EPHA7: variants seen among roughly 807,000 people sequenced by gnomAD.
The protein encoded by EPHA7 is EPH receptor A7.
A neutral mutation model predicts 112.6 loss-of-function variants in EPHA7; 25 were observed. That is an observed-to-expected ratio of 0.22 (90% CI 0.16 to 0.31). The LOEUF (loss-of-function observed/expected upper bound fraction) is 0.31. Ranked by LOEUF, EPHA7 falls within the 10% of genes least tolerant of loss-of-function variation. The pLI is 1.00. For synonymous variants in EPHA7, 437 were observed against 406.5 expected (o/e 1.07, Z -0.90); for missense variants, 962 against 1,212.6 (o/e 0.79, Z 3.07).
intron 5 of EPHA7, among the ~76,000 whole-genome samples, chr6:93,336,962 G>A (rs1196737511): frequency 6.6e-6 from 1 of 151,894 alleles, no homozygotes; most frequent in East Asian, 1.9e-4. Context: ...CCTCTATAGG[G>A]GTGGCAGTTT....
chr6:93,398,532 A>G (rs1267931078), intron 3 of EPHA7, among the ~76,000 whole-genome samples: 1 of 152,022 alleles, frequency 6.6e-6, no homozygotes, highest in East Asian at 1.9e-4. Flanking sequence ...AATTTTCTCA[A>G]AGATAAATGA....
At chr6:93,291,767 C>CAAAAAAAAAAAAAA (rs66483422) in intron 5 of EPHA7, among the ~76,000 whole-genome samples, 2 of 71,680 alleles carry the variant, frequency 2.8e-5, no homozygotes, top group Non-Finnish European at 2.5e-5. Flanking sequence ...GACTCCGTCT[C>CAAAAAAAAAAAAAA]AAAAAAAAAA....
intron 5 of EPHA7, among the ~76,000 whole-genome samples, chr6:93,297,166 C>G (rs1373194353): frequency 6.6e-6 from 1 of 151,986 alleles, no homozygotes; most frequent in Non-Finnish European, 1.5e-5. Flanking sequence ...GAGAAAGGCA[C>G]TCTATATAAT....
At chr6:93,306,681 T>G (rs1424014920) in intron 5 of EPHA7, among the ~76,000 whole-genome samples, 1 of 152,052 alleles carries the variant, frequency 6.6e-6, no homozygotes, top group Non-Finnish European at 1.5e-5. Flanking sequence ...AAATCCCATG[T>G]GCAGTTCAAA....
intron 6 of EPHA7, 115 bp downstream of exon 6, chr6:93,272,183 C>A: frequency 1.7e-6 from 2 of 1,159,858 alleles, no homozygotes; most frequent in Non-Finnish European, 2.5e-6. Context: ...AAATTAACTA[C>A]GAAGTTTGAA....
At position 93,356,726 on chromosome 6, in the gene EPHA7, C is replaced by T. The variant is rs1234366311; in HGVS notation, c.1315G>A (p.Gly439Ser). The stretch of plus-strand genomic sequence containing the variant: ...TAAACACAAAACATACCTGCTTGAC[C>T]AGTGGTGATACTGACAGCAGCAAAG... ...RLFAAVSITTGQAAPSQVSGV... is the reference protein window; with the variant it reads ...RLFAAVSITTSQAAPSQVSGV... Residue 439 changes from glycine (G) to serine (S), a missense_variant, in exon 5 of 17, where the codon GGT becomes AGT. By Grantham distance (56) the Gly-to-Ser change is moderately conservative. Around this residue, in one of 3 missense-constraint regions of EPHA7, gnomAD observed 746 missense variants for 889.2 expected, o/e 0.84. Coordinates refer to ENST00000369303, the MANE Select transcript of EPHA7 (RefSeq NM_004440.4). 1.2e-5 allele frequency: 19 copies of T among 1,609,820 alleles called. No homozygotes were observed. The highest frequency in any genetic ancestry group is 1.5e-5 in the Non-Finnish European group (18 of 1,177,706).
chr6:93,312,967 T>C (rs1472702251), intron 5 of EPHA7, among the ~76,000 whole-genome samples: 1 of 152,158 alleles, frequency 6.6e-6, no homozygotes, highest in African/African-American at 2.4e-5. Context: ...TGCTATCTTA[T>C]AGTCTTCTAC....
intron 9 of EPHA7, chr6:93,260,614 T>C (rs2127862002): frequency 1.0e-6 from 1 of 971,274 alleles, no homozygotes; most frequent in Non-Finnish European, 1.2e-6. Flanking sequence ...TAAAACTATA[T>C]TTTAAAAGTA....
intron 5 of EPHA7, among the ~76,000 whole-genome samples, chr6:93,338,466 C>T (rs1053241859): frequency 2.6e-5 from 4 of 152,058 alleles, no homozygotes; most frequent in Non-Finnish European, 5.9e-5. Flanking sequence ...CACCTCTGAA[C>T]CATTGAAATT....
intron 3 of EPHA7, among the ~76,000 whole-genome samples, chr6:93,376,682 T>C (rs892140859): frequency 1.1e-4 from 17 of 152,166 alleles, no homozygotes; most frequent in Non-Finnish European, 2.2e-4. Context: ...CATAAATGCA[T>C]ACCCTGTAAC....
intron 5 of EPHA7, among the ~76,000 whole-genome samples, chr6:93,348,444 T>C (rs1775518389): frequency 6.6e-6 from 1 of 151,862 alleles, no homozygotes. Context: ...ATATTCAATG[T>C]TATATAAAAG....
At chr6:93,347,289 T>C (rs1451589620) in intron 5 of EPHA7, among the ~76,000 whole-genome samples, 1 of 151,892 alleles carries the variant, frequency 6.6e-6, no homozygotes, top group African/African-American at 2.4e-5. Context: ...TTACCATCAA[T>C]GTATCACCTT....
chr6:93,319,284 T>C (rs775460629), intron 5 of EPHA7, among the ~76,000 whole-genome samples: 2 of 152,072 alleles, frequency 1.3e-5, no homozygotes, highest in African/African-American at 2.4e-5. Context: ...ACACTGTCAT[T>C]GAGCATGCAG....
At chr6:93,377,812 C>T (rs551454342) in intron 3 of EPHA7, among the ~76,000 whole-genome samples, 21 of 152,238 alleles carry the variant, frequency 1.4e-4, no homozygotes, top group African/African-American at 5.1e-4. Flanking sequence ...CGTTATCATA[C>T]TTCACCTCAT....
At chr6:93,281,189 G>C (rs1486051540) in intron 5 of EPHA7, among the ~76,000 whole-genome samples, 1 of 152,128 alleles carries the variant, frequency 6.6e-6, no homozygotes, top group African/African-American at 2.4e-5. Context: ...AAGTCACTTA[G>C]AAGGGATACA....
intron 5 of EPHA7, among the ~76,000 whole-genome samples, chr6:93,307,065 TAAAC>T (rs1322344494): frequency 6.6e-6 from 1 of 151,916 alleles, no homozygotes; most frequent in Non-Finnish European, 1.5e-5. Flanking sequence ...ATACAGGACT[TAAAC>T]ATAACTGCTA....
intron 5 of EPHA7, among the ~76,000 whole-genome samples, chr6:93,310,525 C>A (rs1176214124): frequency 6.6e-6 from 1 of 151,900 alleles, no homozygotes; most frequent in African/African-American, 2.4e-5. Flanking sequence ...GTTAGCCGGG[C>A]GTGGTGGCGG....
At chr6:93,303,971 A>T (rs1172909349) in intron 5 of EPHA7, among the ~76,000 whole-genome samples, 1 of 152,092 alleles carries the variant, frequency 6.6e-6, no homozygotes, top group African/African-American at 2.4e-5. Context: ...TGCAAGACAT[A>T]AATGTCTGAG....
At chr6:93,316,547 T>C (rs895857241) in intron 5 of EPHA7, among the ~76,000 whole-genome samples, 1 of 152,144 alleles carries the variant, frequency 6.6e-6, no homozygotes, top group Admixed American at 6.5e-5. Flanking sequence ...TGAAAACATC[T>C]ATACTTTTAA....
Sources: allele counts gnomAD v4.1 joint callset (sites outside exome capture counted in the v4.1 genomes callset), GRCh38; gene constraint gnomAD v4.1.1; regional missense constraint gnomAD v4.1.1; transcripts MANE v1.5; gene names NCBI Gene and HGNC (gene_info 2026-07-23, HGNC 2026-07-21).